The following PAH variants were observed in gnomAD, a reference collection of about 807,000 sequenced individuals.
PAH encodes the protein phenylalanine hydroxylase, also known as phenylalanine-4-hydroxylase.
In PAH, 64 loss-of-function variants were observed where a neutral mutation model predicts 62.0. The observed-to-expected ratio is 1.03, with a 90% confidence interval of 0.84 to 1.27. The LOEUF (loss-of-function observed/expected upper bound fraction) is 1.27. PAH is among the 50% of genes most tolerant of loss of function. The pLI, the probability that PAH is intolerant of heterozygous loss-of-function variation, is 0.00. For missense variants in PAH, 579 were observed against 542.8 expected (o/e 1.07, Z -0.66); for synonymous variants, 195 against 196.2 (o/e 0.99, Z 0.05).
chr12:102,873,598 C>T (rs1289218276), intron 4 of PAH, among the ~76,000 whole-genome samples: 1 of 152,202 alleles, frequency 6.6e-6, no homozygotes, highest in Non-Finnish European at 1.5e-5. Flanking sequence ...CATTCCAGTA[C>T]ACAGTGACCT....
intron 4 of PAH, among the ~76,000 whole-genome samples, chr12:102,871,933 AAAAAAAAAAAAAAAAAAT>A (rs1876339271): frequency 2.8e-5 from 3 of 108,382 alleles, no homozygotes; most frequent in East Asian, 2.6e-4. Flanking sequence ...AAAAAAAAAA[AAAAAAAAAAAAAAAAAAT>A]ATATATATAT....
At chr12:102,937,968 C>A (rs1343219379) in intron 1 of PAH, among the ~76,000 whole-genome samples, 1 of 152,026 alleles carries the variant, frequency 6.6e-6, no homozygotes, top group Non-Finnish European at 1.5e-5. Flanking sequence ...CATTTTTTTC[C>A]AGAGGGTAGG....
intron 3 of PAH, among the ~76,000 whole-genome samples, chr12:102,892,882 C>T (rs1877333358): frequency 6.6e-6 from 1 of 152,192 alleles, no homozygotes; most frequent in Non-Finnish European, 1.5e-5. Flanking sequence ...TGACATTACG[C>T]ATTTGTCAAA....
Position 102,862,946 on chromosome 12 carries a change from GA to G in PAH, c.509+3649del, listed in dbSNP as rs35122890. Among the ~76,000 whole-genome samples, 409 of 147,454 alleles carry G rather than the reference GA, an allele frequency of 2.8e-3. 2 individuals are homozygous for G. The highest frequency in any genetic ancestry group is 2.8e-3 in the East Asian group (14 of 4,998). ...TCTTGTGGTAGCCAGCAATGATGGT[GA>G]AAAAAAAAAAATCAGGTAAGCTCTT... On this transcript the variant is annotated intron_variant, in intron 5 of 12. Transcript: ENST00000553106.
intron 1 of PAH, chr12:102,945,103 A>G (rs1879442587): frequency 6.6e-6 from 1 of 152,212 alleles, no homozygotes; most frequent in Admixed American, 6.5e-5. Context: ...TTTAATCCTT[A>G]CTTCCTCCCA....
chr12:102,877,333 A>C (rs905914264), intron 4 of PAH, 129 bp downstream of exon 4: 4 of 794,826 alleles, frequency 5.0e-6, no homozygotes, highest in Non-Finnish European at 9.1e-6. Flanking sequence ...CCTCGTGTAA[A>C]TAGGAACACA....
At chr12:102,951,784 C>T (rs1426392683), upstream of PAH, among the ~76,000 whole-genome samples, 2 of 144,410 alleles carry the variant, frequency 1.4e-5, no homozygotes, top group African/African-American at 5.1e-5. Flanking sequence ...TTTAAATTGT[C>T]CCCCCTTCCC....
chr12:102,912,886 T>G lies in PAH; in HGVS notation c.73A>C (p.Ile25Leu). Residue 25 changes from isoleucine (I) to leucine (L), a missense_variant, in exon 2 of 13, where the codon ATT becomes CTT. Physicochemically the swap from Ile to Leu is conservative, Grantham distance 5 (BLOSUM62 2). Transcript: ENST00000553106. ...LSDFGQETSYIEDNCNQNGAI... is the reference protein window; with the variant it reads ...LSDFGQETSYLEDNCNQNGAI... ...CCATTTTGATTGCAGTTGTCTTCAA[T>G]ATAGCTTGTTTCCTACAGGATAAGA... 6.2e-7 allele frequency: 1 copy of G among 1,609,382 alleles called. No homozygotes were observed. The highest frequency in any genetic ancestry group is 8.5e-7 in the Non-Finnish European group (1 of 1,175,668).
At chr12:102,843,346 C>A (rs1032731786) in intron 11 of PAH, among the ~76,000 whole-genome samples, 2 of 152,052 alleles carry the variant, frequency 1.3e-5, no homozygotes, top group Non-Finnish European at 2.9e-5. Flanking sequence ...GGTTATAAGA[C>A]TTCTTTGATT....
At chr12:102,907,475 G>GTACC (rs1878021961) in intron 2 of PAH, among the ~76,000 whole-genome samples, 1 of 152,202 alleles carries the variant, frequency 6.6e-6, no homozygotes, top group Non-Finnish European at 1.5e-5. Context: ...TAAAGTGAGA[G>GTACC]TACCACCTTC....
upstream of PAH, among the ~76,000 whole-genome samples, chr12:102,919,603 C>T (rs559735733): frequency 6.6e-6 from 1 of 152,180 alleles, no homozygotes; most frequent in African/African-American, 2.4e-5. Context: ...CCCCTACTAC[C>T]CTTCCCCACC....
Position 102,957,549 on chromosome 12 carries a change from AG to A in PAH, c.-96+645del, listed in dbSNP as rs1323742067. 19 of 45,846 alleles carry A rather than the reference AG, an allele frequency of 4.1e-4. No homozygotes were observed. Among genetic ancestry groups the A allele is most frequent in the African/African-American group, 1.7e-3 (19 of 11,192 alleles). 2.8% of individuals were successfully genotyped at this position (45,846 alleles called of 1,614,324 possible). A position where few individuals can be genotyped will look rare whatever the true frequency, so the allele number is the denominator to read the frequency against. On this transcript the variant is annotated intron_variant, in intron 1 of 4. Coordinates refer to the PAH transcript ENST00000551337. This position sits in a 1 kb window ranked among gnomAD's most constrained non-coding sequence, Gnocchi z 4.1. ...GGAGTGGGTGGGAGGAAGAGGTAAG[AG>A]GAGGGGGGGGAGTGGGGGCTGCAGC...
At chr12:102,903,251 C>T (rs1445067351) in intron 2 of PAH, among the ~76,000 whole-genome samples, 1 of 151,924 alleles carries the variant, frequency 6.6e-6, no homozygotes, top group Non-Finnish European at 1.5e-5. Flanking sequence ...ATCCCAGCTA[C>T]TCAGGAAGCT....
At chr12:102,899,552 T>G (rs547037008) in intron 2 of PAH, among the ~76,000 whole-genome samples, 1 of 152,080 alleles carries the variant, frequency 6.6e-6, no homozygotes, top group Non-Finnish European at 1.5e-5. Context: ...AATGGAAGAT[T>G]AGGCAATCAT....
chr12:102,916,381 T>C (rs903397298), intron 1 of PAH, among the ~76,000 whole-genome samples: 2 of 152,154 alleles, frequency 1.3e-5, no homozygotes, highest in African/African-American at 4.8e-5. Context: ...GGTAAATATG[T>C]AGGTCACATT....
chr12:102,878,475 C>T (rs1476528928), intron 3 of PAH, among the ~76,000 whole-genome samples: 2 of 152,032 alleles, frequency 1.3e-5, no homozygotes, highest in African/African-American at 4.8e-5. Flanking sequence ...GGTGGCAGCA[C>T]CGACATCCCT....
chr12:102,903,370 A>AC (rs1304028949), intron 2 of PAH, among the ~76,000 whole-genome samples: 4 of 119,920 alleles, frequency 3.3e-5, no homozygotes, highest in African/African-American at 1.2e-4. Context: ...CAAAAAAAAA[A>AC]AACACACACA....
At position 102,866,495 on chromosome 12, in the gene PAH, T is replaced by G. The variant is rs10860933; in HGVS notation, c.509+101A>C. On this transcript the variant is annotated intron_variant, in intron 5 of 12. Coordinates refer to ENST00000553106, the MANE Select transcript of PAH (RefSeq NM_000277.3). ...CATGCACACACAGAAGGCAGGACTC[T>G]TCATGCTGGTATTTTCCATCCTCAA... The G allele has an allele frequency of 0.25, 230,123 of 904,428 alleles. 36,534 individuals are homozygous for G. Among genetic ancestry groups the G allele is most frequent in the East Asian group, 0.76 (31,228 of 41,320 alleles). 56.0% of individuals were successfully genotyped at this position (904,428 alleles called of 1,614,324 possible). A position where few individuals can be genotyped will look rare whatever the true frequency, so the allele number is the denominator to read the frequency against.
chr12:102,895,166 C>A (rs1417874326), intron 2 of PAH, among the ~76,000 whole-genome samples: 1 of 152,114 alleles, frequency 6.6e-6, no homozygotes, highest in Non-Finnish European at 1.5e-5. Flanking sequence ...ACATGAAAAT[C>A]TGCTAAAGGC....
Sources: allele counts gnomAD v4.1 joint callset (sites outside exome capture counted in the v4.1 genomes callset), GRCh38; gene constraint gnomAD v4.1.1; non-coding constraint Gnocchi (gnomAD v3.1); transcripts MANE v1.5; gene names NCBI Gene and HGNC (gene_info 2026-07-23, HGNC 2026-07-21).